The following XKR3 variants were observed in gnomAD, a reference collection of about 807,000 sequenced individuals.
XKR3 encodes the protein XK related 3.
In XKR3, 27 loss-of-function variants were observed where a neutral mutation model predicts 40.3. That is an observed-to-expected ratio of 0.67 (90% CI 0.49 to 0.92). XKR3 has a LOEUF of 0.92. XKR3 is among the 40% of genes least tolerant of loss of function. XKR3 has a pLI of 0.00. For synonymous variants in XKR3, 193 were observed against 195.4 expected, an observed-to-expected ratio of 0.99 and a Z score of 0.10; for missense variants, 472 against 537.6, an observed-to-expected ratio of 0.88 and a Z score of 1.21.
intron 3 of XKR3, among the ~76,000 whole-genome samples, chr22:16,789,846 C>T (rs1329475346): frequency 2.0e-5 from 3 of 152,132 alleles, no homozygotes; most frequent in Non-Finnish European, 2.9e-5. Context: ...AACTGATATT[C>T]TACAGAGATG....
At chr22:16,806,472 T>TG (rs1306880537) in intron 2 of XKR3, among the ~76,000 whole-genome samples, 2 of 149,656 alleles carry the variant, frequency 1.3e-5, no homozygotes, top group Admixed American at 6.6e-5. Flanking sequence ...AGTTAAGGTT[T>TG]TTTTTTTTTT....
At chr22:16,816,366 GTAGT>G (rs35510702) in intron 1 of XKR3, among the ~76,000 whole-genome samples, 66,510 of 150,484 alleles carry the variant, frequency 0.44, 14,933 homozygotes, top group Non-Finnish European at 0.46. Flanking sequence ...TACACTTTCT[GTAGT>G]TATTCATTTT....
intron 3 of XKR3, among the ~76,000 whole-genome samples, chr22:16,791,067 G>T (rs2060113660): frequency 1.3e-5 from 2 of 152,078 alleles, no homozygotes; most frequent in African/African-American, 4.8e-5. Context: ...AAAAGGAATT[G>T]AATCCAGTAT....
intron 1 of XKR3, among the ~76,000 whole-genome samples, chr22:16,819,991 G>A (rs935009427): frequency 6.6e-6 from 1 of 152,110 alleles, no homozygotes; most frequent in Non-Finnish European, 1.5e-5. Flanking sequence ...CTACATCACT[G>A]CATCTATTAA....
At chr22:16,819,616 T>C (rs902252138) in intron 1 of XKR3, among the ~76,000 whole-genome samples, 1 of 152,146 alleles carries the variant, frequency 6.6e-6, no homozygotes, top group Non-Finnish European at 1.5e-5. Flanking sequence ...TGCAAAATGG[T>C]TCATGAACTT....
intron 2 of XKR3, among the ~76,000 whole-genome samples, chr22:16,806,136 A>G (rs1418905271): frequency 3.3e-5 from 5 of 152,034 alleles, no homozygotes; most frequent in Non-Finnish European, 7.4e-5. Flanking sequence ...GTGGGCACCT[A>G]TAATTCCAGC....
chr22:16,786,729 CCTT>C (rs1460891295), intron 3 of XKR3, among the ~76,000 whole-genome samples: 1 of 152,130 alleles, frequency 6.6e-6, no homozygotes, highest in East Asian at 1.9e-4. Context: ...ACCTTAATTT[CCTT>C]CTTCTTCTTG....
chr22:16,801,589 C>A (rs977211664), intron 2 of XKR3, among the ~76,000 whole-genome samples: 3 of 151,648 alleles, frequency 2.0e-5, no homozygotes, highest in African/African-American at 7.3e-5. Context: ...TAACGCAATG[C>A]GGGCAAATAG....
chr22:16,807,807 G>A lies in XKR3; in HGVS notation c.267C>T (p.Asn89=). 6.2e-7 allele frequency: 1 copy of A among 1,613,722 alleles called. No homozygotes were observed. The highest frequency in any genetic ancestry group is 1.1e-5 in the South Asian group (1 of 91,048). The change falls in exon 2 of 4, where the codon AAC becomes AAT. Residue 89 remains asparagine (N), a synonymous_variant. Transcript: ENST00000684488. ...ILDQIILMFF[N]KDLRRNKAAL... ...CAGCCTTATTTCTCCTCAAGTCTTT[G>A]TTGAAAAACATCAGGATAATTTGAT...
At chr22:16,786,941 G>GAC in intron 3 of XKR3, among the ~76,000 whole-genome samples, 1 of 152,236 alleles carries the variant, frequency 6.6e-6, no homozygotes, top group East Asian at 1.9e-4. Flanking sequence ...GATGGGCATG[G>GAC]ACACATAGCC....
intron 3 of XKR3, among the ~76,000 whole-genome samples, chr22:16,796,168 GAATAGGCC>G (rs1205407624): frequency 1.3e-5 from 2 of 152,026 alleles, no homozygotes; most frequent in African/African-American, 4.8e-5. Flanking sequence ...GATTGAAACT[GAATAGGCC>G]AATATCTATG....
intron 3 of XKR3, among the ~76,000 whole-genome samples, chr22:16,788,897 T>A (rs1309258539): frequency 6.6e-6 from 1 of 152,134 alleles, no homozygotes; most frequent in Admixed American, 6.5e-5. Context: ...AAAATCTAGG[T>A]GGTCATTTCA....
intron 1 of XKR3, among the ~76,000 whole-genome samples, chr22:16,823,209 C>T (rs1301750418): frequency 1.3e-5 from 2 of 152,144 alleles, no homozygotes; most frequent in Non-Finnish European, 2.9e-5. Context: ...AAAATTAAAA[C>T]CTCATAAGCT....
At chr22:16,796,228 A>T (rs1458825552) in intron 3 of XKR3, among the ~76,000 whole-genome samples, 53 of 152,166 alleles carry the variant, frequency 3.5e-4, no homozygotes, top group African/African-American at 1.2e-3. Context: ...CAATATTTTA[A>T]AAAAAAATCC....
At chr22:16,784,545 A>C in intron 3 of XKR3, 136 bp from the exon 4 acceptor site, 1 of 888,074 alleles carries the variant, frequency 1.1e-6, no homozygotes, top group East Asian at 2.7e-5. Context: ...ATAAAAAGAA[A>C]GGTTTGTTAA....
At chr22:16,817,070 A>T (rs2060236662) in intron 1 of XKR3, among the ~76,000 whole-genome samples, 1 of 152,068 alleles carries the variant, frequency 6.6e-6, no homozygotes, top group Admixed American at 6.6e-5. Flanking sequence ...AAAATTACTT[A>T]TTCTTACTAT....
intron 3 of XKR3, among the ~76,000 whole-genome samples, chr22:16,799,413 C>CAAAAAAAACTAAGAAAAAAAA (rs2060157131): frequency 3.1e-5 from 1 of 32,550 alleles, no homozygotes; most frequent in Non-Finnish European, 5.2e-5. Flanking sequence ...GACTATGTCT[C>CAAAAAAAACTAAGAAAAAAAA]AAAAAAAAAA....
intron 1 of XKR3, among the ~76,000 whole-genome samples, chr22:16,814,404 A>G (rs918955087): frequency 1.3e-5 from 2 of 152,056 alleles, no homozygotes; most frequent in African/African-American, 4.8e-5. Context: ...CACTATCTTT[A>G]CTGCAGCTTT....
intron 3 of XKR3, among the ~76,000 whole-genome samples, chr22:16,793,113 A>G (rs1187020761): frequency 1.3e-5 from 2 of 152,130 alleles, no homozygotes; most frequent in Non-Finnish European, 2.9e-5. Context: ...CCCGGTTTCA[A>G]GCGATTCTCC....
Sources: allele counts gnomAD v4.1 joint callset (sites outside exome capture counted in the v4.1 genomes callset), GRCh38; gene constraint gnomAD v4.1.1; transcripts MANE v1.5; gene names NCBI Gene and HGNC (gene_info 2026-07-23, HGNC 2026-07-21).